Variants in GPC3 observed in about 807,000 individuals in gnomAD.
GPC3 encodes glypican 3, also known as glypican-3.
In GPC3, 3 loss-of-function variants were observed where a neutral mutation model predicts 34.4. That is an observed-to-expected ratio of 0.09 (90% CI 0.04 to 0.23). The LOEUF (loss-of-function observed/expected upper bound fraction) is 0.23, where lower values mean the gene tolerates loss of function less well. GPC3 is among the 10% of genes least tolerant of loss of function. The pLI, the probability that GPC3 is intolerant of heterozygous loss-of-function variation, is 1.00. For synonymous variants in GPC3, 177 were observed against 174.0 expected (o/e 1.02, Z -0.13); for missense variants, 351 against 445.6 (o/e 0.79, Z 1.91).
intron 2 of GPC3, among the ~76,000 whole-genome samples, chrX:133,869,580 A>G (rs1344708132): frequency 8.9e-6 from 1 of 112,127 alleles, no homozygotes; most frequent in Non-Finnish European, 1.9e-5. Flanking sequence ...GCCTGCTTTA[A>G]CAATGAGCAC....
In GPC3 at chrX:133,622,387, A is replaced by G. The variant is rs183445624; in HGVS notation, c.1414-25788T>C. On this transcript the variant is annotated intron_variant, in intron 6 of 7. Coordinates refer to ENST00000370818, the MANE Select transcript of GPC3 (RefSeq NM_004484.4). ...GAGCTAAAGGAGGATATTCAAGCCC[A>G]TCGCAAAGAAGCTGAAAACCTTGAA... Among the ~76,000 whole-genome samples, 51 of 112,109 alleles carry G rather than the reference A, an allele frequency of 4.5e-4. No homozygotes were observed. In the East Asian group the frequency reaches 6.8e-3, roughly 15 times the overall value.
chrX:133,785,878 G>A (rs999936434), intron 2 of GPC3, among the ~76,000 whole-genome samples: 12 of 111,969 alleles, frequency 1.1e-4, no homozygotes, highest in Admixed American at 2.8e-4. Context: ...ACTATAGTCC[G>A]TGAAAATCAA....
intron 2 of GPC3, among the ~76,000 whole-genome samples, chrX:133,836,573 T>A (rs1378827756): frequency 8.9e-6 from 1 of 111,957 alleles, no homozygotes; most frequent in Non-Finnish European, 1.9e-5. Context: ...TTATTTTTTT[T>A]AAGTGAGAGA....
At chrX:133,698,734 T>C (rs927357614) in intron 4 of GPC3, among the ~76,000 whole-genome samples, 17 of 111,890 alleles carry the variant, frequency 1.5e-4, no homozygotes, top group African/African-American at 5.2e-4. Flanking sequence ...GAGAGATTTA[T>C]AGAGGTACTA....
At chrX:133,888,001 GC>G (rs2076069331) in intron 2 of GPC3, among the ~76,000 whole-genome samples, 2 of 107,611 alleles carry the variant, frequency 1.9e-5, no homozygotes, top group Non-Finnish European at 3.8e-5. Context: ...GTATACACGT[GC>G]CCTGGTGGTT....
Position 133,546,918 on chromosome X carries a change from C to T in GPC3, c.1574-10625G>A, listed in dbSNP as rs191588723. On this transcript the variant is annotated intron_variant, in intron 7 of 7. Transcript: ENST00000370818. Reference sequence around the variant, plus strand: ...CACAATAGCCCAGCTTTGGAATTAACCTAAGTGTGCATCAATAGATGAATG... The same window carrying T: ...CACAATAGCCCAGCTTTGGAATTAATCTAAGTGTGCATCAATAGATGAATG... Among the ~76,000 whole-genome samples, 8 of 112,070 alleles carry T rather than the reference C, an allele frequency of 7.1e-5. No homozygotes were observed. In the East Asian group the frequency reaches 2.2e-3, roughly 32 times the overall value.
At chrX:133,701,763 T>C (rs1022003026) in intron 3 of GPC3, among the ~76,000 whole-genome samples, 1 of 112,058 alleles carries the variant, frequency 8.9e-6, no homozygotes, top group African/African-American at 3.2e-5. Context: ...TCCCAGCTTC[T>C]GGATTTCTCA....
intron 6 of GPC3, among the ~76,000 whole-genome samples, chrX:133,631,368 G>A (rs1018347181): frequency 9.0e-6 from 1 of 111,697 alleles, no homozygotes; most frequent in Non-Finnish European, 1.9e-5. Flanking sequence ...TCCTTTTGTG[G>A]TGCTTATTTA....
intron 2 of GPC3, among the ~76,000 whole-genome samples, chrX:133,952,382 C>G (rs958564460): frequency 8.9e-6 from 1 of 111,932 alleles, no homozygotes; most frequent in Admixed American, 9.5e-5. Context: ...CTGCTATCAT[C>G]ACCACCACCA....
intron 2 of GPC3, among the ~76,000 whole-genome samples, chrX:133,790,852 C>T (rs1022197295): frequency 5.4e-5 from 6 of 111,499 alleles, no homozygotes; most frequent in Non-Finnish European, 1.1e-4. Flanking sequence ...GAAGAAAGAT[C>T]CTGAGCACAG....
chrX:133,583,293 T>C (rs765176422), intron 7 of GPC3, among the ~76,000 whole-genome samples: 154 of 111,834 alleles, frequency 1.4e-3, no homozygotes, highest in Non-Finnish European at 2.3e-3. Context: ...CAAAAGTCCA[T>C]CATGATGTAG....
chrX:133,938,665 T>A (rs1434318295), intron 2 of GPC3, among the ~76,000 whole-genome samples: 1 of 111,505 alleles, frequency 9.0e-6, no homozygotes, highest in Non-Finnish European at 1.9e-5. Context: ...TTAATGAGAG[T>A]TCACTCTAGA....
chrX:133,558,308 T>TA (rs2069509671), intron 7 of GPC3, among the ~76,000 whole-genome samples: 1 of 108,259 alleles, frequency 9.2e-6, no homozygotes, highest in Non-Finnish European at 1.9e-5. Flanking sequence ...TTTTTTTTTT[T>TA]CTTTGTCTCA....
At chrX:133,784,155 C>T (rs776113662) in intron 2 of GPC3, among the ~76,000 whole-genome samples, 170 of 111,695 alleles carry the variant, frequency 1.5e-3, no homozygotes, top group Non-Finnish European at 2.1e-3. Context: ...GTAAATTTAA[C>T]GTTCCAAAGC....
At chrX:133,758,235 A>G (rs1190807056) in intron 2 of GPC3, among the ~76,000 whole-genome samples, 1 of 111,986 alleles carries the variant, frequency 8.9e-6, no homozygotes, top group Non-Finnish European at 1.9e-5. Flanking sequence ...TTCTATTATA[A>G]AGATACATGC....
rs1158318020 is a variant in GPC3, at chrX:133,698,152, T to C, written c.1166+1743A>G. Among the ~76,000 whole-genome samples, 4 of 111,471 alleles carry C rather than the reference T, an allele frequency of 3.6e-5. No homozygotes were observed. The Admixed American group carries it at 3.8e-4, about 11-fold the overall frequency. ...CAGTATATTGTGGCAAGGTAAACAGTATCATAAGGGAAGCAGTGAAGTAGA... is the reference window on the plus strand; with the variant it reads ...CAGTATATTGTGGCAAGGTAAACAGCATCATAAGGGAAGCAGTGAAGTAGA... On this transcript the variant is annotated intron_variant, in intron 4 of 7. Coordinates refer to ENST00000370818, the MANE Select transcript of GPC3 (RefSeq NM_004484.4).
chrX:133,585,752 C>A lies in GPC3; in HGVS notation c.1573+10688G>T, dbSNP rs185791583. Among the ~76,000 whole-genome samples the A allele has an allele frequency of 1.6e-4, 18 of 111,493 alleles. No homozygotes were observed. In the Admixed American group the frequency reaches 1.6e-3, roughly 10 times the overall value. On this transcript the variant is annotated intron_variant, in intron 7 of 7. Transcript: ENST00000370818. ...CAGCTGAATGCTGAACCTCTCCATC[C>A]CTTTCCTTTCTACCAATACTTGGCT...
At chrX:133,953,961 A>G (rs992209868) in intron 1 of GPC3, among the ~76,000 whole-genome samples, 1 of 112,670 alleles carries the variant, frequency 8.9e-6, no homozygotes, top group Non-Finnish European at 1.9e-5. Context: ...TGGTATATCT[A>G]TAAAATGGAA....
chrX:133,915,585 G>A (rs1224379027), intron 2 of GPC3, among the ~76,000 whole-genome samples: 2 of 112,368 alleles, frequency 1.8e-5, no homozygotes, highest in Non-Finnish European at 3.8e-5. Flanking sequence ...ATTATGTTTG[G>A]TCATCATGCA....
Sources: gnomAD v4.1 joint callset for allele counts (sites outside exome capture counted in the v4.1 genomes callset) on GRCh38, gnomAD v4.1.1 for gene constraint, MANE v1.5 for transcripts, NCBI Gene and HGNC (gene_info 2026-07-23, HGNC 2026-07-21) for gene names.